The following FRMD4A variants were observed in gnomAD, a reference collection of about 807,000 sequenced individuals.
The protein encoded by FRMD4A is FERM domain-containing protein 4A.
A neutral mutation model predicts 129.1 loss-of-function variants in FRMD4A; 29 were observed. That is an observed-to-expected ratio of 0.22 (90% CI 0.17 to 0.31). The LOEUF (loss-of-function observed/expected upper bound fraction) is 0.31. FRMD4A is among the 10% of genes least tolerant of loss of function. FRMD4A has a pLI of 1.00. For missense variants in FRMD4A, 1,272 were observed against 1,375.8 expected (o/e 0.92, Z 1.19); for synonymous variants, 634 against 571.6 (o/e 1.11, Z -1.56).
chr10:14,235,667 C>T (rs1182636798), intron 2 of FRMD4A, among the ~76,000 whole-genome samples: 1 of 152,210 alleles, frequency 6.6e-6, no homozygotes, highest in African/African-American at 2.4e-5. Flanking sequence ...GTGGGCTTCC[C>T]ACCAGTGACT....
chr10:14,031,084 C>T (rs1259367550), intron 2 of FRMD4A, among the ~76,000 whole-genome samples: 1 of 152,132 alleles, frequency 6.6e-6, no homozygotes, highest in Admixed American at 6.5e-5. Context: ...CTTACTGTAC[C>T]ATTTGGAGTC....
At chr10:14,254,103 G>A (rs1429667061) in intron 2 of FRMD4A, among the ~76,000 whole-genome samples, 1 of 152,116 alleles carries the variant, frequency 6.6e-6, no homozygotes, top group African/African-American at 2.4e-5. Flanking sequence ...TGGAGGTACA[G>A]GCCACCCCTC....
intron 2 of FRMD4A, among the ~76,000 whole-genome samples, chr10:13,915,412 C>T (rs2698113): frequency 0.99 from 150,550 of 151,512 alleles, 74,806 homozygotes; most frequent in Non-Finnish European, 1. Flanking sequence ...GTGGCTCACG[C>T]CTGTAATCCC....
chr10:14,242,984 A>T (rs1387529676), intron 2 of FRMD4A, among the ~76,000 whole-genome samples: 1 of 152,210 alleles, frequency 6.6e-6, no homozygotes, highest in Non-Finnish European at 1.5e-5. Context: ...GTGGAAGTAA[A>T]CTTTGTACCC....
rs188269126 is a variant in FRMD4A, at chr10:13,756,424, C to T, written c.464+5223G>A. Among the ~76,000 whole-genome samples, 196 of 152,300 alleles carry T rather than the reference C, an allele frequency of 1.3e-3. 1 individual carries two copies. Among genetic ancestry groups the T allele is most frequent in the Admixed American group, 2.2e-3 (34 of 15,286 alleles). On this transcript the variant is annotated intron_variant, in intron 8 of 24. Coordinates refer to ENST00000357447, the MANE Select transcript of FRMD4A (RefSeq NM_018027.5). Reference sequence around the variant, plus strand: ...AGGCTGGAGTGCAGTGGTGCAATCTCGGCTCACTGCAGCGGCAGCCTCTGC... The same window carrying T: ...AGGCTGGAGTGCAGTGGTGCAATCTTGGCTCACTGCAGCGGCAGCCTCTGC...
intron 2 of FRMD4A, among the ~76,000 whole-genome samples, chr10:14,290,835 A>G (rs529610576): frequency 6.6e-6 from 1 of 152,224 alleles, no homozygotes; most frequent in African/African-American, 2.4e-5. Context: ...CCTACCTCAC[A>G]TATCTTTGGC....
intron 2 of FRMD4A, among the ~76,000 whole-genome samples, chr10:13,927,252 C>CAAAAAAAAAAG (rs56034094): frequency 6.7e-6 from 1 of 149,262 alleles, no homozygotes; most frequent in Admixed American, 6.7e-5. Context: ...GACTCCGTCT[C>CAAAAAAAAAAG]AAAAAAAAAG....
At chr10:14,087,642 T>G (rs936365608) in intron 2 of FRMD4A, 2 of 152,200 alleles carry the variant, frequency 1.3e-5, no homozygotes, top group African/African-American at 2.4e-5. Context: ...CCCAGCCTTC[T>G]GAGTTGAAGA....
In FRMD4A at chr10:13,654,478, C is replaced by G. The variant is rs377693430; in HGVS notation, c.2988G>C (p.Pro996=). The G allele has an allele frequency of 1.1e-5, 18 of 1,613,666 alleles. No homozygotes were observed. Among genetic ancestry groups the G allele is most frequent in the Non-Finnish European group, 1.3e-5 (15 of 1,179,722 alleles). Residue 996 remains proline (P), a synonymous_variant, in exon 23 of 25, where the codon CCG becomes CCC. Coordinates refer to ENST00000357447, the MANE Select transcript of FRMD4A (RefSeq NM_018027.5). The stretch of plus-strand genomic sequence containing the variant: ...GGGGGGTGGCTCCAATTTCACTTGA[C>G]GGTGTCGAGCTTCTCTGGCTTTGAG... ...ALPQSQRSST[P]SSEIGATPPS... is the part of the protein sequence containing the mutation.
chr10:13,718,974 A>AAT (rs1343304463), intron 12 of FRMD4A, among the ~76,000 whole-genome samples: 36 of 152,310 alleles, frequency 2.4e-4, no homozygotes, highest in Non-Finnish European at 3.7e-4. Flanking sequence ...CTGTTGAGTG[A>AAT]GTGAATGAAT....
intron 2 of FRMD4A, among the ~76,000 whole-genome samples, chr10:14,283,383 A>C (rs1845584616): frequency 6.6e-6 from 1 of 152,230 alleles, no homozygotes; most frequent in Admixed American, 6.5e-5. Flanking sequence ...AAAATGTAAA[A>C]GAAACTACAT....
At chr10:13,683,453 T>C (rs1181679860) in intron 15 of FRMD4A, among the ~76,000 whole-genome samples, 1 of 150,768 alleles carries the variant, frequency 6.6e-6, no homozygotes, top group African/African-American at 2.4e-5. Context: ...AAAAATTAGT[T>C]GGATGTGGTG....
intron 2 of FRMD4A, among the ~76,000 whole-genome samples, chr10:13,993,364 A>T (rs1167513035): frequency 2.6e-5 from 4 of 152,214 alleles, no homozygotes; most frequent in Admixed American, 6.5e-5. Context: ...GGGACCCCAG[A>T]ATTCCACTCC....
intron 2 of FRMD4A, among the ~76,000 whole-genome samples, chr10:14,221,873 C>A (rs1390526662): frequency 6.6e-6 from 1 of 152,044 alleles, no homozygotes; most frequent in Non-Finnish European, 1.5e-5. Context: ...TGTTTCTGAA[C>A]CTGTCTGTGT....
chr10:13,695,841 TG>T (rs2086177521), intron 14 of FRMD4A, among the ~76,000 whole-genome samples: 1 of 152,012 alleles, frequency 6.6e-6, no homozygotes, highest in African/African-American at 2.4e-5. Context: ...CTTCCGTGCC[TG>T]GGGGCCCTTA....
At chr10:13,714,020 A>AAATACATATAT (rs1564672614) in intron 12 of FRMD4A, among the ~76,000 whole-genome samples, 61 of 410 alleles carry the variant, frequency 0.15, 8 homozygotes, top group African/African-American at 0.16. Context: ...TACATATATA[A>AAATACATATAT]AATATACATA....
chr10:13,996,500 G>T (rs933823213), intron 2 of FRMD4A, among the ~76,000 whole-genome samples: 1 of 152,176 alleles, frequency 6.6e-6, no homozygotes, highest in South Asian at 2.1e-4. Context: ...CTCGTGGGAG[G>T]GCTCCTGTAC....
chr10:13,833,494 C>T (rs1433029218), intron 3 of FRMD4A, among the ~76,000 whole-genome samples: 1 of 152,160 alleles, frequency 6.6e-6, no homozygotes, highest in Non-Finnish European at 1.5e-5. Context: ...CACCAACCTT[C>T]AGGAGCTCAC....
intron 3 of FRMD4A, among the ~76,000 whole-genome samples, chr10:13,828,882 C>T (rs1288816416): frequency 1.3e-5 from 2 of 152,146 alleles, no homozygotes; most frequent in African/African-American, 4.8e-5. Flanking sequence ...AAGTGGATTC[C>T]ATGTCTTTAC....
Sources: allele counts gnomAD v4.1 joint callset (sites outside exome capture counted in the v4.1 genomes callset), GRCh38; gene constraint gnomAD v4.1.1; transcripts MANE v1.5; gene names NCBI Gene and HGNC (gene_info 2026-07-23, HGNC 2026-07-21).